Variants in ADAM18 observed in about 807,000 individuals in gnomAD.
The protein encoded by ADAM18 is ADAM metallopeptidase domain 18, also known as disintegrin and metalloproteinase domain-containing protein 18.
In ADAM18, 117 loss-of-function variants were observed where a neutral mutation model predicts 94.4. That is an observed-to-expected ratio of 1.24 (90% CI 1.07 to 1.45). The LOEUF (loss-of-function observed/expected upper bound fraction) is 1.45, where lower values mean the gene tolerates loss of function less well. Ranked by LOEUF, ADAM18 falls within the 40% of genes most tolerant of loss-of-function variation. The probability of loss-of-function intolerance (pLI) is 0.00; values close to 1 mark genes in which losing one functional copy is unlikely to be tolerated. For missense variants in ADAM18, 936 were observed against 880.0 expected, an observed-to-expected ratio of 1.06 and a Z score of -0.81; for synonymous variants, 327 against 291.6, an observed-to-expected ratio of 1.12 and a Z score of -1.24.
intron 17 of ADAM18, among the ~76,000 whole-genome samples, chr8:39,706,040 G>C (rs1280791933): frequency 1.3e-5 from 2 of 152,018 alleles, no homozygotes; most frequent in East Asian, 3.8e-4. Flanking sequence ...TTAAATAGTG[G>C]TTGAGGAATT....
chr8:39,649,669 AT>A (rs978303468), intron 12 of ADAM18, among the ~76,000 whole-genome samples: 1 of 152,146 alleles, frequency 6.6e-6, no homozygotes, highest in African/African-American at 2.4e-5. Flanking sequence ...TTCCGGCAGT[AT>A]TTTTGTTTCA....
intron 18 of ADAM18, among the ~76,000 whole-genome samples, chr8:39,713,800 G>C (rs1436002706): frequency 1.3e-5 from 2 of 152,204 alleles, no homozygotes; most frequent in Non-Finnish European, 2.9e-5. Context: ...AACAGATGCT[G>C]GAGAGGATGT....
chr8:39,653,648 G>T (rs530809951), intron 12 of ADAM18, among the ~76,000 whole-genome samples: 1 of 152,194 alleles, frequency 6.6e-6, no homozygotes, highest in Non-Finnish European at 1.5e-5. Flanking sequence ...CTTCTTCGAG[G>T]ATAAAATAAT....
chr8:39,700,975 G>A (rs531260918), intron 17 of ADAM18, among the ~76,000 whole-genome samples: 35 of 150,380 alleles, frequency 2.3e-4, no homozygotes, highest in East Asian at 2.1e-3. Context: ...AAAATTAGCC[G>A]GGCGTAGTGG....
At chr8:39,592,219 C>T (rs529277519) in intron 2 of ADAM18, among the ~76,000 whole-genome samples, 4 of 152,276 alleles carry the variant, frequency 2.6e-5, no homozygotes, top group African/African-American at 9.6e-5. Flanking sequence ...TAAGCATTAA[C>T]AAGAGAGTCA....
chr8:39,633,008 G>C (rs1230316435), intron 7 of ADAM18, among the ~76,000 whole-genome samples: 4 of 152,126 alleles, frequency 2.6e-5, no homozygotes, highest in African/African-American at 9.7e-5. Context: ...TCATGTATGG[G>C]ATTAAGTCTC....
chr8:39,596,141 G>A (rs1349094312), intron 2 of ADAM18, among the ~76,000 whole-genome samples: 1 of 152,096 alleles, frequency 6.6e-6, no homozygotes, highest in Admixed American at 6.5e-5. Context: ...GTGCGGCCTC[G>A]CTGACTATCA....
chr8:39,713,327 C>T (rs1822472331), intron 18 of ADAM18, among the ~76,000 whole-genome samples: 2 of 152,052 alleles, frequency 1.3e-5, no homozygotes, highest in African/African-American at 2.4e-5. Context: ...GACCTAAAAC[C>T]ATAAAAAGCC....
chr8:39,642,233 T>C (rs1465803090), intron 10 of ADAM18, among the ~76,000 whole-genome samples: 1 of 152,128 alleles, frequency 6.6e-6, no homozygotes. Flanking sequence ...ATTGAGAGTT[T>C]CCTATGCTGT....
At chr8:39,663,424 A>C (rs1297877482) in intron 12 of ADAM18, among the ~76,000 whole-genome samples, 1 of 72,406 alleles carries the variant, frequency 1.4e-5, no homozygotes, top group Admixed American at 1.6e-4. Context: ...CCTAGTCTTT[A>C]CAAAAAAAAA....
At chr8:39,648,158 T>C (rs1025998027) in intron 11 of ADAM18, among the ~76,000 whole-genome samples, 186 bp from the exon 12 acceptor site, 3 of 152,244 alleles carry the variant, frequency 2.0e-5, no homozygotes, top group African/African-American at 7.2e-5. Context: ...AGGTTTTTAA[T>C]GCAATTTTTT....
intron 2 of ADAM18, 39 bp downstream of exon 2, chr8:39,585,391 T>A: frequency 1.4e-6 from 2 of 1,454,124 alleles, no homozygotes; most frequent in Non-Finnish European, 1.9e-6. Flanking sequence ...TTTAAAGCTT[T>A]ATGGCAATTT....
At chr8:39,703,718 T>C (rs1290674528) in intron 17 of ADAM18, among the ~76,000 whole-genome samples, 2 of 152,046 alleles carry the variant, frequency 1.3e-5, no homozygotes, top group Non-Finnish European at 2.9e-5. Flanking sequence ...TCAGAAGTCT[T>C]TTCTGAAGGA....
intron 10 of ADAM18, among the ~76,000 whole-genome samples, chr8:39,639,977 A>T (rs1004156213): frequency 1.3e-5 from 2 of 152,108 alleles, no homozygotes; most frequent in African/African-American, 2.4e-5. Context: ...AAAAATGGGA[A>T]GTAAATTGTG....
At chr8:39,701,117 C>CAAAAAAAAAAAAAAAAAAA (rs71237188) in intron 17 of ADAM18, among the ~76,000 whole-genome samples, 35 of 34,558 alleles carry the variant, frequency 1.0e-3, no homozygotes, top group African/African-American at 2.0e-3. Flanking sequence ...GACTCTGTCT[C>CAAAAAAAAAAAAAAAAAAA]AAAAAAAAAA....
chr8:39,668,383 T>C (rs761504291), intron 14 of ADAM18, among the ~76,000 whole-genome samples, 187 bp downstream of exon 14: 3 of 152,174 alleles, frequency 2.0e-5, no homozygotes, highest in Non-Finnish European at 4.4e-5. Context: ...CCATACATTA[T>C]TTTTATTGTG....
intron 2 of ADAM18, among the ~76,000 whole-genome samples, chr8:39,598,359 C>T (rs1027009884): frequency 6.6e-6 from 1 of 151,920 alleles, no homozygotes; most frequent in Admixed American, 6.6e-5. Context: ...TTTTCAAAAC[C>T]TATGTATGAT....
chr8:39,698,566 T>C (rs1253521411), intron 17 of ADAM18, among the ~76,000 whole-genome samples: 1 of 152,038 alleles, frequency 6.6e-6, no homozygotes, highest in Admixed American at 6.6e-5. Flanking sequence ...CTTTGTTGAT[T>C]ACATTAATTT....
intron 10 of ADAM18, among the ~76,000 whole-genome samples, chr8:39,640,426 T>C (rs1327412721): frequency 1.3e-5 from 2 of 152,156 alleles, no homozygotes; most frequent in African/African-American, 2.4e-5. Flanking sequence ...ATCCAGTCTA[T>C]CTTGGTGGCC....
Sources: allele counts gnomAD v4.1 joint callset (sites outside exome capture counted in the v4.1 genomes callset), GRCh38; gene constraint gnomAD v4.1.1; transcripts MANE v1.5; gene names NCBI Gene and HGNC (gene_info 2026-07-23, HGNC 2026-07-21).